Variants in PCDH15 observed in about 807,000 individuals in gnomAD.
The protein encoded by PCDH15 is protocadherin-15.
A neutral mutation model predicts 178.5 loss-of-function variants in PCDH15; 129 were observed. The observed-to-expected ratio is 0.72, with a 90% confidence interval of 0.63 to 0.84. The LOEUF is 0.84. PCDH15 is among the 40% of genes least tolerant of loss of function. The pLI is 0.00. For missense variants in PCDH15, 2,230 were observed against 2,099.9 expected (o/e 1.06, Z -1.21); for synonymous variants, 800 against 732.0 (o/e 1.09, Z -1.50).
At position 54,132,871 on chromosome 10, in the gene PCDH15, A is replaced by T; in HGVS notation, c.1917+4T>A. On this transcript the variant is annotated splice_donor_region_variant and intron_variant, in intron 15 of 37. Coordinates refer to ENST00000644397, the MANE Select transcript of PCDH15 (RefSeq NM_001384140.1). The stretch of plus-strand genomic sequence containing the variant: ...CACACACACACACACACCAAGGAAC[A>T]TACCTGTAGATTTAATAAAACAGCA... 4 of 1,609,718 alleles carry T rather than the reference A, an allele frequency of 2.5e-6. No homozygotes were observed. Among genetic ancestry groups the T allele is most frequent in the Non-Finnish European group, 3.4e-6 (4 of 1,177,822 alleles).
At chr10:54,112,637 G>C (rs2095046813) in intron 15 of PCDH15, among the ~76,000 whole-genome samples, 2 of 152,074 alleles carry the variant, frequency 1.3e-5, no homozygotes, top group African/African-American at 4.8e-5. Context: ...CTGAGGATTT[G>C]GTTTTCAGGC....
At chr10:53,911,525 C>A (rs963274171) in intron 25 of PCDH15, among the ~76,000 whole-genome samples, 1 of 152,144 alleles carries the variant, frequency 6.6e-6, no homozygotes, top group African/African-American at 2.4e-5. Context: ...CTAAAATTGA[C>A]ACCCTAACAT....
intron 2 of PCDH15, among the ~76,000 whole-genome samples, chr10:55,411,315 A>G (rs1027130840): frequency 3.6e-4 from 55 of 152,134 alleles, no homozygotes; most frequent in Admixed American, 1.6e-3. Context: ...AATACCCAGC[A>G]CAAAACAGAT....
chr10:55,579,657 A>G (rs1173554280), intron 2 of PCDH15, among the ~76,000 whole-genome samples: 1 of 152,022 alleles, frequency 6.6e-6, no homozygotes, highest in Non-Finnish European at 1.5e-5. Context: ...AAGATCTCAG[A>G]AAAAAAAGAT....
intron 3 of PCDH15, among the ~76,000 whole-genome samples, chr10:54,883,429 C>G (rs1423289608): frequency 6.6e-6 from 1 of 151,914 alleles, no homozygotes; most frequent in African/African-American, 2.4e-5. Context: ...TTAGAACATA[C>G]CCTACGTATC....
intron 2 of PCDH15, among the ~76,000 whole-genome samples, chr10:54,592,262 T>A (rs947741719): frequency 1.4e-4 from 22 of 152,190 alleles, no homozygotes; most frequent in African/African-American, 5.1e-4. Flanking sequence ...CCTTGAGCAC[T>A]TATTTTCTTT....
chr10:54,879,332 C>T (rs1026078911), intron 3 of PCDH15, among the ~76,000 whole-genome samples: 1 of 151,994 alleles, frequency 6.6e-6, no homozygotes, highest in African/African-American at 2.4e-5. Flanking sequence ...ATGCTCTAGG[C>T]ATTTTACTTG....
intron 3 of PCDH15, among the ~76,000 whole-genome samples, chr10:54,867,367 T>C (rs1193868099): frequency 6.6e-6 from 1 of 152,180 alleles, no homozygotes; most frequent in East Asian, 1.9e-4. Context: ...CTATTTGATG[T>C]TTACTGGGTA....
intron 1 of PCDH15, among the ~76,000 whole-genome samples, chr10:54,720,714 T>C (rs1213734244): frequency 1.3e-5 from 2 of 151,996 alleles, no homozygotes; most frequent in Non-Finnish European, 1.5e-5. Flanking sequence ...TATATGTGCA[T>C]CCAACACCAG....
chr10:55,106,045 T>A (rs1009139067), intron 2 of PCDH15, among the ~76,000 whole-genome samples: 1 of 151,954 alleles, frequency 6.6e-6, no homozygotes, highest in Non-Finnish European at 1.5e-5. Context: ...TTTTTTTTGG[T>A]TGTTACAACT....
chr10:54,861,129 T>G (rs886609797), intron 3 of PCDH15, among the ~76,000 whole-genome samples: 3 of 152,144 alleles, frequency 2.0e-5, no homozygotes, highest in Non-Finnish European at 4.4e-5. Context: ...TTTAAAGATT[T>G]TGAAATTCAG....
intron 28 of PCDH15, among the ~76,000 whole-genome samples, chr10:53,850,489 A>T (rs1457299709): frequency 2.0e-5 from 3 of 152,154 alleles, no homozygotes; most frequent in Non-Finnish European, 4.4e-5. Flanking sequence ...AATATTTCAA[A>T]AAGTAGCAAA....
At chr10:55,429,558 A>G (rs1227509303) in intron 2 of PCDH15, among the ~76,000 whole-genome samples, 1 of 152,132 alleles carries the variant, frequency 6.6e-6, no homozygotes, top group Non-Finnish European at 1.5e-5. Context: ...TTTTCATATC[A>G]TGAACAGAAG....
At chr10:55,305,035 A>C (rs1245276830) in intron 1 of PCDH15, among the ~76,000 whole-genome samples, 1 of 152,228 alleles carries the variant, frequency 6.6e-6, no homozygotes, top group South Asian at 2.1e-4. Flanking sequence ...CAGAAGAAGT[A>C]ACGCTATCTG....
intron 2 of PCDH15, among the ~76,000 whole-genome samples, chr10:55,609,819 G>A (rs1843326120): frequency 6.6e-6 from 1 of 152,048 alleles, no homozygotes; most frequent in Non-Finnish European, 1.5e-5. Context: ...GTGTGGAATT[G>A]CTCTGAAAAG....
intron 10 of PCDH15, among the ~76,000 whole-genome samples, chr10:54,211,679 C>T (rs10825277): frequency 0.086 from 13,055 of 151,696 alleles, 833 homozygotes; most frequent in African/African-American, 0.17. Context: ...GCTTTTGAAA[C>T]ATAAATTGGG....
intron 3 of PCDH15, among the ~76,000 whole-genome samples, chr10:54,415,060 T>C (rs544757167): frequency 6.6e-6 from 1 of 152,236 alleles, no homozygotes; most frequent in African/African-American, 2.4e-5. Flanking sequence ...CCATTTCACA[T>C]AGAAATGTTT....
chr10:54,329,471 AG>A (rs1281999993), intron 7 of PCDH15, 124 bp downstream of exon 7: 4 of 704,404 alleles, frequency 5.7e-6, no homozygotes, highest in Non-Finnish European at 1.0e-5. Context: ...ATAAACACCA[AG>A]GGCAGGAGTG....
intron 2 of PCDH15, among the ~76,000 whole-genome samples, chr10:55,106,445 C>T (rs1842676192): frequency 6.6e-6 from 1 of 152,148 alleles, no homozygotes; most frequent in Admixed American, 6.5e-5. Flanking sequence ...AGGAGTCTCG[C>T]TCTTGTCGCC....
Sources: allele counts gnomAD v4.1 joint callset (sites outside exome capture counted in the v4.1 genomes callset), GRCh38; gene constraint gnomAD v4.1.1; transcripts MANE v1.5; gene names NCBI Gene and HGNC (gene_info 2026-07-23, HGNC 2026-07-21).